Variants in ABCA13 observed in about 807,000 individuals in gnomAD.
ABCA13 encodes the protein ATP binding cassette subfamily A member 13.
A neutral mutation model predicts 478.7 loss-of-function variants in ABCA13; 476 were observed. The observed-to-expected ratio is 0.99, with a 90% CI of 0.92 to 1.07. The LOEUF is 1.07. Among genes scored for constraint, ABCA13 ranks in the 50% least tolerant of loss-of-function variants. ABCA13 has a pLI of 0.00. For synonymous variants in ABCA13, 2,252 were observed against 2,158.9 expected (o/e 1.04, Z -1.20); for missense variants, 6,060 against 5,910.6 (o/e 1.03, Z -0.83).
chr7:48,354,870 C>G (rs777788709), intron 31 of ABCA13, among the ~76,000 whole-genome samples: 6 of 151,994 alleles, frequency 3.9e-5, no homozygotes, highest in Non-Finnish European at 7.3e-5. Flanking sequence ...TCCTAAAGCA[C>G]AGTTTGTACT....
At chr7:48,462,038 A>G (rs968041994) in intron 43 of ABCA13, among the ~76,000 whole-genome samples, 3 of 152,048 alleles carry the variant, frequency 2.0e-5, no homozygotes, top group Admixed American at 6.6e-5. Flanking sequence ...GGGGTGTCAA[A>G]GAAGGTTTTT....
rs781204721 is a variant in ABCA13, at chr7:48,412,568, C to A, written c.12444C>A (p.Asp4148Glu). 6.2e-7 allele frequency: 1 copy of A among 1,610,300 alleles called. No homozygotes were observed. Among genetic ancestry groups the A allele is most frequent in the Non-Finnish European group, 8.5e-7 (1 of 1,178,402 alleles). Residue 4148 changes from aspartate to glutamate, a missense_variant, in exon 41 of 62, where the codon GAC becomes GAA. By Grantham distance (45) the Asp-to-Glu change is conservative. Around this residue, in one of 3 missense-constraint regions of ABCA13, gnomAD observed 1,627 missense variants for 1,571.0 expected, o/e 1.04. Transcript: ENST00000435803. The stretch of plus-strand genomic sequence containing the variant: ...ACCTGACGGGCTATGGGATCTCAGA[C>A]ACCACCTTAGAAGAGGTACTGAGAA... ...QLHLTGYGIS[D>E]TTLEEVFLML...
chr7:48,645,586 C>T lies in ABCA13; in HGVS notation c.*74C>T, dbSNP rs1453872645. On this transcript the variant is annotated 3_prime_UTR_variant, in exon 62 of 62. Transcript: ENST00000435803. Reference sequence around the variant, plus strand: ...TTAACAGTCAAGGATAAAACAAGCACGCGCACAATCAAGGAGCTGGAACAC... The same window carrying T: ...TTAACAGTCAAGGATAAAACAAGCATGCGCACAATCAAGGAGCTGGAACAC... The T allele has an allele frequency of 3.3e-5, 41 of 1,234,994 alleles. No individual in the cohort carries two copies. Among genetic ancestry groups the T allele is most frequent in the South Asian group, 9.6e-5 (7 of 73,150 alleles). 76.5% of individuals were successfully genotyped at this position (1,234,994 alleles called of 1,614,324 possible).
chr7:48,485,441 T>C (rs1292398047), intron 47 of ABCA13, among the ~76,000 whole-genome samples: 1 of 152,132 alleles, frequency 6.6e-6, no homozygotes, highest in African/African-American at 2.4e-5. Flanking sequence ...AAAACCATTC[T>C]TGGGAGAAAA....
At position 48,451,279 on chromosome 7, in the gene ABCA13, G is replaced by T. The variant is rs191041097; in HGVS notation, c.12566-3758G>T. On this transcript the variant is annotated intron_variant, in intron 42 of 61. Coordinates refer to ENST00000435803, the MANE Select transcript of ABCA13 (RefSeq NM_152701.5). The stretch of plus-strand genomic sequence containing the variant: ...CTCCCAAAGTGCTGGGATTATAGGT[G>T]TGAGCCATCGCGCCCAGCAAGATGT... 1.6e-3 allele frequency among the ~76,000 whole-genome samples: 237 copies of T among 152,198 alleles called. 1 individual carries two copies. Among genetic ancestry groups the T allele is most frequent in the African/African-American group, 5.4e-3 (225 of 41,538 alleles).
intron 59 of ABCA13, among the ~76,000 whole-genome samples, chr7:48,629,856 G>A (rs963908410): frequency 2.6e-5 from 4 of 151,996 alleles, no homozygotes; most frequent in Non-Finnish European, 5.9e-5. Context: ...TAAAAGGGTA[G>A]GAAGGTAGTC....
intron 35 of ABCA13, among the ~76,000 whole-genome samples, chr7:48,381,370 TACAC>T (rs61376984): frequency 0.027 from 4,035 of 149,016 alleles, 90 homozygotes; most frequent in South Asian, 0.12. Flanking sequence ...CACATACACA[TACAC>T]ACACACACAC....
chr7:48,616,270 A>G (rs1792559833), intron 59 of ABCA13, among the ~76,000 whole-genome samples: 1 of 152,166 alleles, frequency 6.6e-6, no homozygotes, highest in Non-Finnish European at 1.5e-5. Flanking sequence ...GTCCATTTTT[A>G]GAGTTAGGCA....
intron 29 of ABCA13, among the ~76,000 whole-genome samples, chr7:48,345,884 T>G (rs1418143028): frequency 2.0e-5 from 3 of 152,252 alleles, no homozygotes; most frequent in Non-Finnish European, 4.4e-5. Flanking sequence ...TGGTGAGTAC[T>G]CAATCTAAGT....
rs775938342 is a variant in ABCA13 at position 48,295,845 on chromosome 7, T to A, written c.9101T>A (p.Val3034Glu). The A allele has an allele frequency of 6.2e-7, 1 of 1,612,590 alleles. No homozygotes were observed. Among genetic ancestry groups the A allele is most frequent in the East Asian group, 2.2e-5 (1 of 44,854 alleles). Residue 3034 changes from valine to glutamate, a missense_variant, in exon 21 of 62, where the codon GTG becomes GAG. Physicochemically the swap from Val to Glu is moderately radical, Grantham distance 121. Coordinates refer to ENST00000435803, the MANE Select transcript of ABCA13 (RefSeq NM_152701.5). ...ACAAGCCAGCCGAGGCTGGAGACGG[T>A]GCAGCAGCACTTGTACATGTATGCT... The part of the protein sequence containing the change: ...DCTSQPRLET[V>E]QQHLYMLAKS...
chr7:48,278,847 T>A lies in ABCA13; in HGVS notation c.7653T>A (p.Ser2551Arg). 1.2e-6 allele frequency: 2 copies of A among 1,613,626 alleles called. No individual in the cohort carries two copies. Among genetic ancestry groups the A allele is most frequent in the Admixed American group, 3.3e-5 (2 of 60,026 alleles). ...KTHFISNTKD[S>R]VKFFDTLYSI... ...ATTTTATCTCCAATACCAAGGACAG[T>A]GTGAAATTCTTTGACACTCTGTATT... Residue 2551 changes from serine (S) to arginine (R), a missense_variant, in exon 18 of 62, where the codon AGT becomes AGA. Ser to Arg is a moderately radical substitution (Grantham distance 110, BLOSUM62 -1). Coordinates refer to ENST00000435803, the MANE Select transcript of ABCA13 (RefSeq NM_152701.5).
rs147366123 is a variant in ABCA13 at position 48,554,463 on chromosome 7, A to C, written c.14355-25761A>C. ...GATTCTTCCAATTCATGAATATGGA[A>C]TATCTTTCCATTTTTTTATTCCTTC... On this transcript the variant is annotated intron_variant, in intron 55 of 61. Transcript: ENST00000435803. Among the ~76,000 whole-genome samples, 35 of 152,104 alleles carry C rather than the reference A, an allele frequency of 2.3e-4. 1 individual carries two copies. The East Asian group carries it at 6.6e-3, about 28-fold the overall frequency.
At chr7:48,416,116 C>T (rs1450443714) in intron 41 of ABCA13, among the ~76,000 whole-genome samples, 11 of 152,074 alleles carry the variant, frequency 7.2e-5, no homozygotes, top group African/African-American at 2.2e-4. Context: ...TTGTGTTGCT[C>T]GTATTATCTT....
intron 55 of ABCA13, among the ~76,000 whole-genome samples, chr7:48,553,204 A>G (rs916927001): frequency 7.2e-5 from 11 of 152,196 alleles, no homozygotes; most frequent in Middle Eastern, 3.4e-3. Flanking sequence ...TTCTTTATCT[A>G]TTCATCTGCT....
At position 48,272,567 on chromosome 7, in the gene ABCA13, A is replaced by G. The variant is rs762916588; in HGVS notation, c.2901A>G (p.Ser967=). ...DSALLLQIYS[S]FYRYIYELLN... ...CTTTACTTCTGCAAATTTATTCTTC[A>G]TTTTACCGATATATTTATGAATTAT... The change falls in exon 17 of 62, where the codon TCA becomes TCG. Residue 967 remains serine, a synonymous_variant. Coordinates refer to ENST00000435803, the MANE Select transcript of ABCA13 (RefSeq NM_152701.5). 1.2e-5 allele frequency: 20 copies of G among 1,613,532 alleles called. No homozygotes were observed. Among genetic ancestry groups the G allele is most frequent in the Non-Finnish European group, 1.5e-5 (18 of 1,179,696 alleles).
intron 41 of ABCA13, among the ~76,000 whole-genome samples, chr7:48,413,803 T>C (rs1470454621): frequency 6.6e-6 from 1 of 152,234 alleles, no homozygotes; most frequent in African/African-American, 2.4e-5. Flanking sequence ...CAAAATGCTT[T>C]TATACATAGA....
intron 55 of ABCA13, among the ~76,000 whole-genome samples, chr7:48,561,430 G>A (rs532170426): frequency 5.9e-5 from 9 of 152,132 alleles, no homozygotes; most frequent in African/African-American, 2.2e-4. Flanking sequence ...TTTGATAACA[G>A]ATTTAACAAA....
intron 55 of ABCA13, among the ~76,000 whole-genome samples, chr7:48,562,182 A>G (rs576923219): frequency 3.2e-4 from 49 of 151,334 alleles, no homozygotes; most frequent in Non-Finnish European, 6.3e-4. Context: ...AATCCTTATT[A>G]TGATCTGAGC....
Position 48,261,475 on chromosome 7 carries a change from T to A in ABCA13, c.2006-7505T>A, listed in dbSNP as rs1794172833. ...GTAATTTCAAACCCTGCCTTGTTTT[T>A]TTCTTTCTAGAACTCCTGTTAGCCA... On this transcript the variant is annotated intron_variant, in intron 15 of 61. Transcript: ENST00000435803. Among the ~76,000 whole-genome samples, 3 of 151,918 alleles carry A rather than the reference T, an allele frequency of 2.0e-5. 1 individual carries two copies. The South Asian group carries it at 6.2e-4, about 31-fold the overall frequency.
Sources: allele counts gnomAD v4.1 joint callset (sites outside exome capture counted in the v4.1 genomes callset), GRCh38; gene constraint gnomAD v4.1.1; regional missense constraint gnomAD v4.1.1; transcripts MANE v1.5; gene names NCBI Gene and HGNC (gene_info 2026-07-23, HGNC 2026-07-21).